Variants in TAGLN2 observed in about 807,000 individuals in gnomAD.
The protein encoded by TAGLN2 is transgelin 2.
In TAGLN2, 14 loss-of-function variants were observed where a neutral mutation model predicts 24.9. The observed-to-expected ratio is 0.56, with a 90% CI of 0.37 to 0.88. TAGLN2 has a LOEUF of 0.88. Ranked by LOEUF, TAGLN2 falls within the 40% of genes least tolerant of loss-of-function variation. TAGLN2 has a pLI of 0.00. For synonymous variants in TAGLN2, 77 were observed against 98.2 expected (o/e 0.78, Z 1.28); for missense variants, 208 against 258.9 (o/e 0.80, Z 1.35).
chr1:159,919,478 A>G, intron 3 of TAGLN2, 102 bp from the exon 4 acceptor site: 5 of 1,388,702 alleles, frequency 3.6e-6, no homozygotes, highest in Non-Finnish European at 5.1e-6. Context: ...AATTATTTCT[A>G]CTGTTCATTT....
intron 1 of TAGLN2, among the ~76,000 whole-genome samples, chr1:159,921,159 ACAGG>A (rs1650519285): frequency 7.3e-6 from 1 of 137,788 alleles, no homozygotes; most frequent in African/African-American, 2.5e-5. Flanking sequence ...AGGAGCTATG[ACAGG>A]CAGAATCATG....
At chr1:159,923,696 G>A (rs990162672) in intron 1 of TAGLN2, 2 of 433,882 alleles carry the variant, frequency 4.6e-6, no homozygotes, top group South Asian at 4.5e-5. Flanking sequence ...GGGAACCACC[G>A]TAGGGCAGCC....
rs777083394 is a variant in TAGLN2 at position 159,918,853 on chromosome 1, C to T, written c.547G>A (p.Gly183Arg). Residue 183 changes from glycine to arginine, a missense_variant, in exon 5 of 5, where the codon GGG (glycine) becomes AGG (arginine). By Grantham distance (125) the Gly-to-Arg change is moderately radical. Transcript: ENST00000368097. ...CCAGTCATGCCTGCCTGAGACGCCC[C>T]GCGGTTGGTGCCCATCTGTAACCCG... ...VIGLQMGTNR[G>R]ASQAGMTGYG... 5 of 1,614,118 alleles carry T rather than the reference C, an allele frequency of 3.1e-6. No individual in the cohort carries two copies. The African/African-American group carries it at 5.3e-5, about 17-fold the overall frequency.
intron 1 of TAGLN2, chr1:159,923,561 CAGG>C (rs1252181525): frequency 1.1e-4 from 145 of 1,350,968 alleles, no homozygotes; most frequent in Non-Finnish European, 1.3e-4. Flanking sequence ...AGATGGAACA[CAGG>C]AGAACTTCCC....
At position 159,918,630 on chromosome 1, in the gene TAGLN2, G is replaced by A. The variant is rs1335138735; in HGVS notation, c.*170C>T. On this transcript the variant is annotated 3_prime_UTR_variant, in exon 5 of 5. Coordinates refer to ENST00000368097, the MANE Select transcript of TAGLN2 (RefSeq NM_003564.3). ...AAGGGAATGTATTAGTAAGCATGGG[G>A]GAGAGGATGCCAGCAGGCACCTCAG... The A allele has an allele frequency of 2.3e-6, 2 of 873,904 alleles. No homozygotes were observed. Among genetic ancestry groups the A allele is most frequent in the Non-Finnish European group, 3.5e-6 (2 of 570,782 alleles). 54.1% of individuals were successfully genotyped at this position (873,904 alleles called of 1,614,324 possible).
chr1:159,922,214 G>A (rs528307689), intron 1 of TAGLN2, among the ~76,000 whole-genome samples: 1 of 152,188 alleles, frequency 6.6e-6, no homozygotes. Context: ...CGGCCGCAGA[G>A]GCTGTGTCTT....
At chr1:159,923,766 C>T (rs1329744432) in intron 1 of TAGLN2, 3 of 351,390 alleles carry the variant, frequency 8.5e-6, no homozygotes, top group Non-Finnish European at 1.5e-5. Context: ...CAGGAAGCTC[C>T]AAAGCTTGCG....
intron 1 of TAGLN2, among the ~76,000 whole-genome samples, chr1:159,924,054 T>C (rs1211299568): frequency 6.6e-6 from 1 of 151,750 alleles, no homozygotes; most frequent in Non-Finnish European, 1.5e-5. Flanking sequence ...ACTCAGGAAG[T>C]AGTTGTTCAG....
intron 2 of TAGLN2, chr1:159,920,039 A>T: frequency 1.3e-6 from 1 of 760,190 alleles, no homozygotes; most frequent in Non-Finnish European, 2.3e-6. Flanking sequence ...GCCAGTGTTT[A>T]GTCTTTCCTT....
intron 3 of TAGLN2, 120 bp from the exon 4 acceptor site, chr1:159,919,496 C>T: frequency 1.5e-6 from 2 of 1,321,752 alleles, no homozygotes; most frequent in Non-Finnish European, 2.1e-6. Context: ...TTTCCATACC[C>T]TTCTCCATTC....
intron 3 of TAGLN2, 79 bp from the exon 4 acceptor site, chr1:159,919,455 G>C: frequency 6.8e-7 from 1 of 1,474,200 alleles, no homozygotes; most frequent in Admixed American, 1.7e-5. Flanking sequence ...TAAGTCAGCA[G>C]GCCTGGCTTC....
chr1:159,923,472 G>T, intron 1 of TAGLN2: 1 of 1,550,030 alleles, frequency 6.5e-7, no homozygotes, highest in Non-Finnish European at 8.7e-7. Context: ...GGCGGACATG[G>T]GTGGGGGCAG....
At chr1:159,919,177 A>G in intron 4 of TAGLN2, 97 bp downstream of exon 4, 1 of 1,349,940 alleles carries the variant, frequency 7.4e-7, no homozygotes, top group East Asian at 2.3e-5. Context: ...TGCTTTGTAA[A>G]GGGCCAGCTG....
chr1:159,920,390 C>T lies in TAGLN2; in HGVS notation c.120G>A (p.Lys40=). Residue 40 remains lysine (K), a synonymous_variant, in exon 2 of 5, where the codon AAG becomes AAA. Transcript: ENST00000368097. The stretch of plus-strand genomic sequence containing the variant: ...GTCCAGGCTGGGGCCGGCCCACATC[C>T]TTTCGGCACTGGGTGGTGATCCACT... The part of the protein sequence containing the change: ...LIQWITTQCR[K]DVGRPQPGRE... 6.2e-7 allele frequency: 1 copy of T among 1,614,228 alleles called. No homozygotes were observed. The highest frequency in any genetic ancestry group is 1.1e-5 in the South Asian group (1 of 91,086).
intron 3 of TAGLN2, 85 bp from the exon 4 acceptor site, chr1:159,919,461 G>A: frequency 6.9e-7 from 1 of 1,446,152 alleles, no homozygotes; most frequent in Non-Finnish European, 9.7e-7. Context: ...AGCAGGCCTG[G>A]CTTCCTAATT....
chr1:159,923,384 A>G, intron 1 of TAGLN2: 2 of 1,537,536 alleles, frequency 1.3e-6, no homozygotes, highest in Non-Finnish European at 1.8e-6. Context: ...GGAAACGGGG[A>G]GGGGCCACGC....
intron 1 of TAGLN2, 68 bp from the exon 2 acceptor site, chr1:159,920,605 T>C (rs1650500449): frequency 3.9e-6 from 6 of 1,539,970 alleles, no homozygotes; most frequent in Non-Finnish European, 5.3e-6. Context: ...AATTCAGGAA[T>C]TCTGCCTGCA....
At chr1:159,919,410 C>T in intron 3 of TAGLN2, 34 bp from the exon 4 acceptor site, 5 of 1,602,188 alleles carry the variant, frequency 3.1e-6, no homozygotes, top group Non-Finnish European at 4.3e-6. Context: ...TCAGCCTCCG[C>T]AGTGTCCTAG....
In TAGLN2 at chr1:159,923,095, C is replaced by T. The variant is rs118081522; in HGVS notation, c.-29+2355G>A. On this transcript the variant is annotated intron_variant, in intron 1 of 4. Transcript: ENST00000368097. Reference sequence around the variant, plus strand: ...CGGGCAGGCAGAAGCTGATGGGCTGCGGCTGCTGGAGCTGGGAAGGCCCAC... The same window carrying T: ...CGGGCAGGCAGAAGCTGATGGGCTGTGGCTGCTGGAGCTGGGAAGGCCCAC... Among the ~76,000 whole-genome samples the T allele has an allele frequency of 3.6e-3, 546 of 152,358 alleles. 3 individuals carry two copies. The highest frequency in any genetic ancestry group is 0.013 in the African/African-American group (527 of 41,586).
Sources: gnomAD v4.1 joint callset for allele counts (sites outside exome capture counted in the v4.1 genomes callset) on GRCh38, gnomAD v4.1.1 for gene constraint, MANE v1.5 for transcripts, NCBI Gene and HGNC (gene_info 2026-07-23, HGNC 2026-07-21) for gene names.